Variants in LRRTM4 observed in about 807,000 individuals in gnomAD.
LRRTM4 encodes leucine rich repeat transmembrane neuronal 4, also known as leucine-rich repeat transmembrane neuronal protein 4.
Under a neutral mutation model 47.6 loss-of-function variants are expected in LRRTM4, and 25 were observed. The ratio of observed to expected loss-of-function variants is 0.53; its 90% confidence interval spans 0.38 to 0.73. The LOEUF is 0.73. Ranked by LOEUF, LRRTM4 falls within the 30% of genes least tolerant of loss-of-function variation. LRRTM4 has a pLI of 0.00. For missense variants in LRRTM4, 638 were observed against 713.4 expected, an observed-to-expected ratio of 0.89 and a Z score of 1.20; for synonymous variants, 311 against 269.5, an observed-to-expected ratio of 1.15 and a Z score of -1.51.
intron 3 of LRRTM4, among the ~76,000 whole-genome samples, chr2:77,313,679 C>A (rs963415841): frequency 6.6e-6 from 1 of 152,092 alleles, no homozygotes; most frequent in Non-Finnish European, 1.5e-5. Context: ...TTGTTATGAT[C>A]ATCTGTGTGG....
At chr2:77,356,520 G>C (rs985731246) in intron 3 of LRRTM4, among the ~76,000 whole-genome samples, 8 of 152,150 alleles carry the variant, frequency 5.3e-5, no homozygotes, top group African/African-American at 1.7e-4. Flanking sequence ...CACATAAAAG[G>C]AAGAAGGTAT....
chr2:77,168,343 T>C (rs1381983374), intron 3 of LRRTM4, among the ~76,000 whole-genome samples: 1 of 152,114 alleles, frequency 6.6e-6, no homozygotes, highest in Non-Finnish European at 1.5e-5. Flanking sequence ...TTTTCCTGTG[T>C]GCTGTGTCTC....
At chr2:77,397,090 A>C (rs970374159) in intron 3 of LRRTM4, among the ~76,000 whole-genome samples, 1 of 151,874 alleles carries the variant, frequency 6.6e-6, no homozygotes, top group Admixed American at 6.6e-5. Context: ...TAATATATAC[A>C]ATTTCAACAG....
chr2:76,870,503 T>G (rs1455714272), intron 3 of LRRTM4, among the ~76,000 whole-genome samples: 2 of 151,976 alleles, frequency 1.3e-5, no homozygotes, highest in Admixed American at 1.3e-4. Flanking sequence ...TTTTGGGAAA[T>G]GGAGCAATAT....
At chr2:76,939,025 G>C (rs1675047037) in intron 3 of LRRTM4, among the ~76,000 whole-genome samples, 1 of 151,928 alleles carries the variant, frequency 6.6e-6, no homozygotes, top group South Asian at 2.1e-4. Flanking sequence ...GAATAAGTTA[G>C]GGGAATCTAG....
chr2:77,520,387 T>C (rs6547148), intron 2 of LRRTM4, among the ~76,000 whole-genome samples: 89,068 of 151,824 alleles, frequency 0.59, 26,784 homozygotes, highest in East Asian at 0.77. Context: ...TGTGTACTTA[T>C]TGCATAATAG....
intron 3 of LRRTM4, among the ~76,000 whole-genome samples, chr2:77,484,799 C>T (rs1677847774): frequency 6.6e-6 from 1 of 151,800 alleles, no homozygotes; most frequent in African/African-American, 2.4e-5. Flanking sequence ...ATTCACATTT[C>T]CTTTATTGTT....
intron 3 of LRRTM4, among the ~76,000 whole-genome samples, chr2:76,874,278 A>C (rs572069693): frequency 2.0e-5 from 3 of 151,954 alleles, no homozygotes; most frequent in Non-Finnish European, 4.4e-5. Context: ...GAAACTTTAC[A>C]TTTGTTCTCC....
intron 3 of LRRTM4, among the ~76,000 whole-genome samples, chr2:77,336,099 GGAAGGAAA>G (rs757787683): frequency 5.6e-4 from 76 of 135,798 alleles, no homozygotes; most frequent in South Asian, 9.7e-4. Context: ...AAGGAAGGAA[GGAAGGAAA>G]GAAGGAAAGA....
rs186319930 is a variant in LRRTM4, at chr2:77,026,780, A to G, written c.1552-277864T>C. 8.2e-4 allele frequency among the ~76,000 whole-genome samples: 125 copies of G among 152,246 alleles called. 1 individual carries two copies. Among genetic ancestry groups the G allele is most frequent in the African/African-American group, 3.0e-3 (123 of 41,574 alleles). On this transcript the variant is annotated intron_variant, in intron 3 of 3. Transcript: ENST00000409884. The stretch of plus-strand genomic sequence containing the variant: ...AAAATTGTCTAAAATAAAGCTGCAT[A>G]TTTGGGGAAGCCACAATGTTAGACT...
At chr2:76,777,366 C>G (rs1220188361) in intron 3 of LRRTM4, among the ~76,000 whole-genome samples, 7 of 142,294 alleles carry the variant, frequency 4.9e-5, no homozygotes, top group Admixed American at 3.5e-4. Context: ...GCCATTTTCA[C>G]GATATTGATT....
intron 3 of LRRTM4, among the ~76,000 whole-genome samples, chr2:76,867,856 T>A (rs1196794910): frequency 6.6e-6 from 1 of 152,206 alleles, no homozygotes; most frequent in Admixed American, 6.5e-5. Flanking sequence ...TGTATTTATA[T>A]TTTCTTCTCA....
At chr2:76,868,723 G>C (rs1672535417) in intron 3 of LRRTM4, among the ~76,000 whole-genome samples, 1 of 152,084 alleles carries the variant, frequency 6.6e-6, no homozygotes, top group African/African-American at 2.4e-5. Flanking sequence ...AGGAAGCCTG[G>C]TCCCTTAAAT....
chr2:77,183,039 C>G (rs1053909263), intron 3 of LRRTM4, among the ~76,000 whole-genome samples: 1 of 152,172 alleles, frequency 6.6e-6, no homozygotes, highest in African/African-American at 2.4e-5. Context: ...GACTTCATGA[C>G]TAAAACGCCA....
At chr2:76,894,470 G>A (rs1174054299) in intron 3 of LRRTM4, among the ~76,000 whole-genome samples, 4 of 151,846 alleles carry the variant, frequency 2.6e-5, no homozygotes, top group Non-Finnish European at 4.4e-5. Context: ...TCATAAATTT[G>A]TTTGTAATCA....
chr2:77,514,302 T>C (rs1223607997), intron 3 of LRRTM4, among the ~76,000 whole-genome samples: 1 of 152,094 alleles, frequency 6.6e-6, no homozygotes, highest in East Asian at 1.9e-4. Context: ...TTATGCTTAG[T>C]AGTCCTTGGA....
At chr2:77,044,430 T>C (rs1013393465) in intron 3 of LRRTM4, among the ~76,000 whole-genome samples, 2 of 151,762 alleles carry the variant, frequency 1.3e-5, no homozygotes, top group Non-Finnish European at 2.9e-5. Context: ...TCCTATTCTC[T>C]CTGAAAAGAG....
intron 3 of LRRTM4, among the ~76,000 whole-genome samples, chr2:77,484,695 T>C (rs1386525555): frequency 6.6e-6 from 1 of 152,186 alleles, no homozygotes; most frequent in Non-Finnish European, 1.5e-5. Flanking sequence ...GTGCTAGCAA[T>C]GTAAATTTAA....
chr2:77,230,947 T>C (rs1674945592), intron 3 of LRRTM4, among the ~76,000 whole-genome samples: 1 of 152,156 alleles, frequency 6.6e-6, no homozygotes, highest in South Asian at 2.1e-4. Flanking sequence ...TCTAAATAAA[T>C]ACAAGTAGAT....
Sources: gnomAD v4.1 joint callset for allele counts (sites outside exome capture counted in the v4.1 genomes callset) on GRCh38, gnomAD v4.1.1 for gene constraint, MANE v1.5 for transcripts, NCBI Gene and HGNC (gene_info 2026-07-23, HGNC 2026-07-21) for gene names.